The following CFAP58 variants were observed in gnomAD, a reference collection of about 807,000 sequenced individuals.
CFAP58 encodes cilia and flagella associated protein 58, also known as cilia- and flagella-associated protein 58.
A neutral mutation model predicts 119.5 loss-of-function variants in CFAP58; 88 were observed. The ratio of observed to expected loss-of-function variants is 0.74; its 90% CI spans 0.62 to 0.88. The LOEUF (loss-of-function observed/expected upper bound fraction) is 0.88, where lower values mean the gene tolerates loss of function less well. Among genes scored for constraint, CFAP58 ranks in the 40% least tolerant of loss-of-function variants. The pLI is 0.00. For synonymous variants in CFAP58, 365 were observed against 366.3 expected, an observed-to-expected ratio of 1.00 and a Z score of 0.04; for missense variants, 990 against 1,021.2, an observed-to-expected ratio of 0.97 and a Z score of 0.42.
chr10:104,359,946 G>C (rs2014644142), intron 2 of CFAP58, among the ~76,000 whole-genome samples: 1 of 152,188 alleles, frequency 6.6e-6, no homozygotes, highest in Non-Finnish European at 1.5e-5. Context: ...TCTTTCATTT[G>C]TTTTGCTAAA....
At chr10:104,445,904 A>G (rs2013106593) in intron 15 of CFAP58, among the ~76,000 whole-genome samples, 1 of 152,230 alleles carries the variant, frequency 6.6e-6, no homozygotes, top group Admixed American at 6.5e-5. Flanking sequence ...AGATGCTTGG[A>G]GTAAGATGGT....
intron 7 of CFAP58, 144 bp downstream of exon 7, chr10:104,371,198 A>C: frequency 1.7e-3 from 823 of 479,872 alleles, no homozygotes; most frequent in East Asian, 5.7e-3. Context: ...AACAGTCAAT[A>C]TGGGGTGGGG....
At chr10:104,385,078 A>C (rs1398605739) in intron 9 of CFAP58, among the ~76,000 whole-genome samples, 2 of 152,138 alleles carry the variant, frequency 1.3e-5, no homozygotes, top group African/African-American at 4.8e-5. Flanking sequence ...TTGTGATTGC[A>C]CTTTGGTGGC....
intron 2 of CFAP58, among the ~76,000 whole-genome samples, chr10:104,360,442 G>A (rs1315673328): frequency 1.3e-5 from 2 of 151,570 alleles, no homozygotes; most frequent in Non-Finnish European, 2.9e-5. Context: ...ACATGGGCCA[G>A]AGCAGGAGCA....
intron 15 of CFAP58, among the ~76,000 whole-genome samples, chr10:104,436,613 T>C (rs1252188626): frequency 6.6e-6 from 1 of 152,088 alleles, no homozygotes; most frequent in Non-Finnish European, 1.5e-5. Context: ...TCACTAGTAC[T>C]CATTCTTGCA....
intron 13 of CFAP58, among the ~76,000 whole-genome samples, chr10:104,401,298 A>T (rs143178033): frequency 1.7e-3 from 258 of 152,350 alleles, no homozygotes; most frequent in African/African-American, 5.3e-3. Context: ...TTAATCTGGT[A>T]ACATTTGCAC....
intron 4 of CFAP58, 30 bp from the exon 5 acceptor site, chr10:104,365,784 T>C: frequency 1.3e-6 from 2 of 1,575,120 alleles, no homozygotes; most frequent in Non-Finnish European, 1.7e-6. Context: ...GGCTCATCTC[T>C]TTCTCTCTTG....
chr10:104,432,810 T>C (rs2012871561), intron 15 of CFAP58, among the ~76,000 whole-genome samples: 1 of 152,206 alleles, frequency 6.6e-6, no homozygotes, highest in Admixed American at 6.5e-5. Context: ...CAGTAGGCAC[T>C]TTTATATACT....
chr10:104,428,007 G>A (rs778799108), intron 15 of CFAP58, among the ~76,000 whole-genome samples: 9 of 152,300 alleles, frequency 5.9e-5, no homozygotes, highest in South Asian at 4.1e-4. Context: ...GCAAACACAC[G>A]TAAGCACATG....
intron 6 of CFAP58, 64 bp from the exon 7 acceptor site, chr10:104,370,831 C>T (rs1037125823): frequency 9.5e-5 from 136 of 1,434,108 alleles, no homozygotes; most frequent in Admixed American, 1.8e-4. Context: ...CTGAGTTTAC[C>T]ATCATCCAGT....
chr10:104,402,806 C>G (rs1454668198), intron 13 of CFAP58, among the ~76,000 whole-genome samples: 1 of 152,212 alleles, frequency 6.6e-6, no homozygotes, highest in East Asian at 1.9e-4. Flanking sequence ...AGCCGGGGAC[C>G]CATGCTAGAC....
At chr10:104,413,181 C>T (rs1469521780) in intron 15 of CFAP58, among the ~76,000 whole-genome samples, 3 of 152,194 alleles carry the variant, frequency 2.0e-5, no homozygotes, top group African/African-American at 4.8e-5. Flanking sequence ...GTTGCACAGT[C>T]ATTTAAGTTC....
intron 13 of CFAP58, among the ~76,000 whole-genome samples, chr10:104,402,713 G>A (rs1234104499): frequency 6.6e-6 from 1 of 152,120 alleles, no homozygotes; most frequent in Non-Finnish European, 1.5e-5. Flanking sequence ...GTGTGGTTGT[G>A]GAACTCAGGA....
intron 15 of CFAP58, 28 bp downstream of exon 15, chr10:104,406,821 G>T (rs1203989565): frequency 6.4e-7 from 1 of 1,551,450 alleles, no homozygotes. Flanking sequence ...TGTACTCATT[G>T]TACAAGTCCT....
At chr10:104,343,770 A>T in the CFAP58 span, among the ~76,000 whole-genome samples, 6 of 152,270 alleles carry the variant, frequency 3.9e-5, no homozygotes, top group South Asian at 1.2e-3. Flanking sequence ...ATTTAATTTG[A>T]GCTAGAGTCT....
At chr10:104,364,298 A>G (rs2014710710) in intron 3 of CFAP58, among the ~76,000 whole-genome samples, 1 of 152,102 alleles carries the variant, frequency 6.6e-6, no homozygotes, top group African/African-American at 2.4e-5. Context: ...CAATAGCAAT[A>G]TAGTCTTATC....
chr10:104,425,839 G>A (rs372387768), intron 15 of CFAP58, among the ~76,000 whole-genome samples: 11 of 152,300 alleles, frequency 7.2e-5, no homozygotes, highest in African/African-American at 2.4e-4. Context: ...GAGGCTAAAG[G>A]ACCAGATAAG....
the CFAP58 span, among the ~76,000 whole-genome samples, chr10:104,348,814 T>G: frequency 6.6e-6 from 1 of 152,238 alleles, no homozygotes; most frequent in African/African-American, 2.4e-5. Context: ...TAAGATGTCA[T>G]GGTTCACTGG....
At chr10:104,419,047 G>T (rs2012599838) in intron 15 of CFAP58, among the ~76,000 whole-genome samples, 1 of 152,190 alleles carries the variant, frequency 6.6e-6, no homozygotes, top group Admixed American at 6.5e-5. Context: ...TGCTGGGAAT[G>T]GTTGAGGAGG....
Sources: allele counts gnomAD v4.1 joint callset (sites outside exome capture counted in the v4.1 genomes callset), GRCh38; gene constraint gnomAD v4.1.1; transcripts MANE v1.5; gene names NCBI Gene and HGNC (gene_info 2026-07-23, HGNC 2026-07-21).